The following MTUS2 variants were observed in gnomAD, a reference collection of about 807,000 sequenced individuals.
MTUS2 encodes the protein microtubule-associated tumor suppressor candidate 2.
Under a neutral mutation model 114.1 loss-of-function variants are expected in MTUS2, and 40 were observed. The ratio of observed to expected loss-of-function variants is 0.35; its 90% CI spans 0.27 to 0.46. The LOEUF is 0.46. Ranked by LOEUF, MTUS2 falls within the 20% of genes least tolerant of loss-of-function variation. MTUS2 has a pLI of 1.00. For missense variants in MTUS2, 1,679 were observed against 1,705.4 expected (o/e 0.98, Z 0.27); for synonymous variants, 688 against 672.0 (o/e 1.02, Z -0.37).
intron 7 of MTUS2, among the ~76,000 whole-genome samples, chr13:29,358,506 C>T (rs1869943026): frequency 6.6e-6 from 1 of 152,182 alleles, no homozygotes; most frequent in Admixed American, 6.5e-5. Context: ...TCCTATTCAT[C>T]GTGAGAGAAA....
intron 1 of MTUS2, among the ~76,000 whole-genome samples, chr13:28,823,253 G>A (rs553307382): frequency 1.3e-5 from 2 of 152,318 alleles, no homozygotes; most frequent in Admixed American, 6.5e-5. Context: ...CTCATTCCTC[G>A]AAAATATCCT....
At chr13:28,897,699 A>G (rs1205043426) in intron 2 of MTUS2, among the ~76,000 whole-genome samples, 2 of 152,208 alleles carry the variant, frequency 1.3e-5, no homozygotes, top group African/African-American at 4.8e-5. Flanking sequence ...TGGCACATAT[A>G]CACCATGGAA....
chr13:29,300,168 T>C (rs776794186), intron 6 of MTUS2, among the ~76,000 whole-genome samples: 3 of 152,156 alleles, frequency 2.0e-5, no homozygotes, highest in Non-Finnish European at 4.4e-5. Flanking sequence ...TTTTAGATAA[T>C]ATGGAAGACA....
At chr13:28,992,956 G>A (rs56027878) in intron 2 of MTUS2, among the ~76,000 whole-genome samples, 2,878 of 152,266 alleles carry the variant, frequency 0.019, 81 homozygotes, top group African/African-American at 0.059. Flanking sequence ...GGTACCTTAT[G>A]TGAGTGGAAT....
chr13:29,113,236 C>T (rs951574696), intron 5 of MTUS2, among the ~76,000 whole-genome samples: 2 of 152,180 alleles, frequency 1.3e-5, no homozygotes, highest in African/African-American at 2.4e-5. Flanking sequence ...GGGATGTATG[C>T]AGCCCTGAGC....
intron 5 of MTUS2, among the ~76,000 whole-genome samples, chr13:29,276,736 A>G (rs954568912): frequency 6.6e-6 from 1 of 152,100 alleles, no homozygotes; most frequent in African/African-American, 2.4e-5. Flanking sequence ...CATCTCTACT[A>G]AAAATACAAA....
chr13:29,317,050 G>A lies in MTUS2; in HGVS notation c.2807-7563G>A, dbSNP rs199958296. On this transcript the variant is annotated intron_variant, in intron 6 of 15. Transcript: ENST00000612955. ...TCAAAAACCACTTGTTCACTCTTCTGTCCTTATCTTTTCATAATAATCTTC... is the reference window on the plus strand; with the variant it reads ...TCAAAAACCACTTGTTCACTCTTCTATCCTTATCTTTTCATAATAATCTTC... Among the ~76,000 whole-genome samples the A allele has an allele frequency of 7.2e-5, 11 of 152,210 alleles. 1 individual carries two copies. In the South Asian group the frequency reaches 1.9e-3, roughly 26 times the overall value.
At chr13:29,131,731 C>T (rs904765102) in intron 5 of MTUS2, among the ~76,000 whole-genome samples, 1 of 152,218 alleles carries the variant, frequency 6.6e-6, no homozygotes, top group Non-Finnish European at 1.5e-5. Flanking sequence ...CTTAGCCATC[C>T]CTCTAGATGG....
At chr13:29,173,569 C>G (rs1893648357) in intron 5 of MTUS2, among the ~76,000 whole-genome samples, 1 of 152,026 alleles carries the variant, frequency 6.6e-6, no homozygotes. Context: ...GATATTCGTA[C>G]CTTTAGTACT....
At chr13:28,854,483 C>T (rs531148187) in intron 2 of MTUS2, among the ~76,000 whole-genome samples, 1 of 152,292 alleles carries the variant, frequency 6.6e-6, no homozygotes, top group South Asian at 2.1e-4. Context: ...TCAGGAACCA[C>T]CGTTCAGTTT....
chr13:29,138,540 CATT>C (rs1892080190), intron 5 of MTUS2, among the ~76,000 whole-genome samples: 2 of 146,224 alleles, frequency 1.4e-5, no homozygotes, highest in African/African-American at 4.9e-5. Context: ...AACTCAAGTA[CATT>C]ACTGGAAAGA....
chr13:29,477,308 A>G (rs963613035), intron 9 of MTUS2, among the ~76,000 whole-genome samples: 3 of 152,188 alleles, frequency 2.0e-5, no homozygotes, highest in Non-Finnish European at 4.4e-5. Context: ...GGATAAACCT[A>G]TCTTTATATA....
chr13:29,426,027 G>A (rs1312085878), intron 8 of MTUS2, among the ~76,000 whole-genome samples: 1 of 152,164 alleles, frequency 6.6e-6, no homozygotes, highest in Non-Finnish European at 1.5e-5. Flanking sequence ...CGACTGAGCT[G>A]GAAGAAAGCA....
At position 29,306,290 on chromosome 13, in the gene MTUS2, C is replaced by G. The variant is rs572729173; in HGVS notation, c.2807-18323C>G. ...ATAGTATTGGAAGTTCTAGCCAGGG[C>G]AATCAGGCAAGAGAATGAAATAAAG... On this transcript the variant is annotated intron_variant, in intron 6 of 15. Coordinates refer to ENST00000612955, the MANE Select transcript of MTUS2 (RefSeq NM_001033602.4). Among the ~76,000 whole-genome samples, 648 of 152,204 alleles carry G rather than the reference C, an allele frequency of 4.3e-3. 2 individuals carry two copies. Among genetic ancestry groups the G allele is most frequent in the Non-Finnish European group, 7.3e-3 (494 of 68,006 alleles).
At chr13:28,920,753 C>A (rs1342462369) in intron 2 of MTUS2, among the ~76,000 whole-genome samples, 2 of 152,200 alleles carry the variant, frequency 1.3e-5, no homozygotes, top group Admixed American at 1.3e-4. Flanking sequence ...TAAGCTAGTA[C>A]TCAAACCACA....
At chr13:28,933,228 A>G (rs1449969536) in intron 2 of MTUS2, among the ~76,000 whole-genome samples, 1 of 151,992 alleles carries the variant, frequency 6.6e-6, no homozygotes, top group Non-Finnish European at 1.5e-5. Flanking sequence ...AGGGCTGGCA[A>G]GTCTGAGATT....
intron 5 of MTUS2, among the ~76,000 whole-genome samples, chr13:29,223,412 G>A (rs1396408272): frequency 1.3e-5 from 2 of 152,084 alleles, no homozygotes; most frequent in Admixed American, 6.5e-5. Context: ...TACATACTGT[G>A]GGTCTCCCCT....
At chr13:28,894,357 T>TGA (rs150604080) in intron 2 of MTUS2, among the ~76,000 whole-genome samples, 81 of 55,968 alleles carry the variant, frequency 1.4e-3, no homozygotes, top group African/African-American at 5.5e-3. Flanking sequence ...AGAGTGAGAG[T>TGA]GAGAGAGAGA....
intron 4 of MTUS2, among the ~76,000 whole-genome samples, chr13:29,081,129 T>C (rs1175560829): frequency 1.3e-5 from 2 of 152,056 alleles, no homozygotes; most frequent in Non-Finnish European, 2.9e-5. Context: ...TGAAAGGAGA[T>C]TGGCTTGGAG....
Sources: gnomAD v4.1 joint callset for allele counts (sites outside exome capture counted in the v4.1 genomes callset) on GRCh38, gnomAD v4.1.1 for gene constraint, MANE v1.5 for transcripts, NCBI Gene and HGNC (gene_info 2026-07-23, HGNC 2026-07-21) for gene names.